Variants in TUT4 observed in about 807,000 individuals in gnomAD.
TUT4 encodes terminal uridylyl transferase 4.
Under a neutral mutation model 192.2 loss-of-function variants are expected in TUT4, and 36 were observed. The observed-to-expected ratio is 0.19, with a 90% CI of 0.14 to 0.25. The LOEUF (loss-of-function observed/expected upper bound fraction) is 0.25. Among genes scored for constraint, TUT4 ranks in the 10% least tolerant of loss-of-function variants. The pLI, the probability that TUT4 is intolerant of heterozygous loss-of-function variation, is 1.00. For missense variants in TUT4, 1,493 were observed against 1,957.2 expected (o/e 0.76, Z 4.47); for synonymous variants, 618 against 666.0 (o/e 0.93, Z 1.11).
chr1:52,514,356 G>C (rs1279154068), intron 3 of TUT4, among the ~76,000 whole-genome samples: 1 of 152,156 alleles, frequency 6.6e-6, no homozygotes, highest in Admixed American at 6.5e-5. Context: ...CAGGAGAATT[G>C]CTTGAACCCA....
In TUT4 at chr1:52,444,681, C is replaced by G. The variant is rs147926080; in HGVS notation, c.3822+1106G>C. Among the ~76,000 whole-genome samples, 488 of 149,618 alleles carry G rather than the reference C, an allele frequency of 3.3e-3. 2 individuals are homozygous for G. Among genetic ancestry groups the G allele is most frequent in the Admixed American group, 3.2e-3 (46 of 14,578 alleles). Reference sequence around the variant, plus strand: ...CATAATTTAATCATCTTCCAGTGAACATAAGGCAAGCAGAAAAATGTGAAA... The same window carrying G: ...CATAATTTAATCATCTTCCAGTGAAGATAAGGCAAGCAGAAAAATGTGAAA... On this transcript the variant is annotated intron_variant, in intron 24 of 29. Coordinates refer to ENST00000257177, the MANE Select transcript of TUT4 (RefSeq NM_001009881.3).
chr1:52,504,982 A>G (rs1675141905), intron 4 of TUT4, among the ~76,000 whole-genome samples: 1 of 152,180 alleles, frequency 6.6e-6, no homozygotes, highest in South Asian at 2.1e-4. Context: ...TCATCCATCA[A>G]TGGATATCTG....
rs529346307 is a variant in TUT4 at position 52,476,893 on chromosome 1, C to T, written c.2023+815G>A. Among the ~76,000 whole-genome samples the T allele has an allele frequency of 2.3e-3, 355 of 152,286 alleles. 3 individuals are homozygous for T. The highest frequency in any genetic ancestry group is 3.1e-3 in the South Asian group (15 of 4,828). On this transcript the variant is annotated intron_variant, in intron 12 of 29. Transcript: ENST00000257177. ...TTATCTACAAAAGGTAAGTGACATGCTGTGAAATTTAAATTTTTGATTAAG... is the reference window on the plus strand; with the variant it reads ...TTATCTACAAAAGGTAAGTGACATGTTGTGAAATTTAAATTTTTGATTAAG...
intron 27 of TUT4, chr1:52,434,332 C>G (rs778091752): frequency 2.0e-5 from 3 of 152,118 alleles, no homozygotes; most frequent in Admixed American, 6.5e-5. Context: ...GATTTTTATA[C>G]TCTCTTATTC....
chr1:52,489,228 C>T (rs751107925), intron 8 of TUT4, among the ~76,000 whole-genome samples, 193 bp from the exon 9 acceptor site: 1 of 152,076 alleles, frequency 6.6e-6, no homozygotes, highest in Admixed American at 6.6e-5. Flanking sequence ...GAGTTCCATA[C>T]GAATTAAAGA....
chr1:52,431,538 T>G (rs1429530214), intron 27 of TUT4, 78 bp from the exon 28 acceptor site: 2 of 1,160,576 alleles, frequency 1.7e-6, no homozygotes, highest in Non-Finnish European at 2.3e-6. Context: ...AAATACAAAA[T>G]TAAAAACTTT....
intron 12 of TUT4, among the ~76,000 whole-genome samples, chr1:52,477,480 T>A (rs1265815444): frequency 6.6e-6 from 1 of 152,118 alleles, no homozygotes; most frequent in Non-Finnish European, 1.5e-5. Flanking sequence ...AAGCTGAGGA[T>A]CCCTTGAACC....
intron 24 of TUT4, among the ~76,000 whole-genome samples, chr1:52,444,899 A>C (rs774203590): frequency 7.5e-6 from 1 of 134,178 alleles, no homozygotes; most frequent in Non-Finnish European, 1.5e-5. Flanking sequence ...ATATGTGTGT[A>C]TATATATATG....
chr1:52,538,188 A>C (rs1468528046), intron 1 of TUT4, among the ~76,000 whole-genome samples: 1 of 152,176 alleles, frequency 6.6e-6, no homozygotes, highest in Non-Finnish European at 1.5e-5. Context: ...GTGAGCCAAG[A>C]CTGCATCGCT....
chr1:52,535,511 G>C (rs1045356528), intron 1 of TUT4, among the ~76,000 whole-genome samples: 4 of 151,768 alleles, frequency 2.6e-5, no homozygotes, highest in African/African-American at 9.7e-5. Context: ...TTGTTCTCTG[G>C]CATTTTGTTC....
At chr1:52,462,053 A>G (rs576010304) in intron 16 of TUT4, 65 of 264,646 alleles carry the variant, frequency 2.5e-4, no homozygotes, top group Non-Finnish European at 4.3e-4. Context: ...AGAAGCACAA[A>G]GACAGGAGAA....
intron 15 of TUT4, among the ~76,000 whole-genome samples, chr1:52,465,821 C>A (rs1165007863): frequency 6.6e-6 from 1 of 152,100 alleles, no homozygotes; most frequent in Non-Finnish European, 1.5e-5. Context: ...CCAATAACAG[C>A]TACCATTTCA....
chr1:52,507,534 T>A (rs1675937531), intron 4 of TUT4, among the ~76,000 whole-genome samples: 1 of 152,180 alleles, frequency 6.6e-6, no homozygotes, highest in Non-Finnish European at 1.5e-5. Flanking sequence ...TCACCAAAAG[T>A]ATACGTCCTA....
At chr1:52,476,906 AT>A (rs956270415) in intron 12 of TUT4, among the ~76,000 whole-genome samples, 1 of 152,192 alleles carries the variant, frequency 6.6e-6, no homozygotes, top group Non-Finnish European at 1.5e-5. Context: ...TGAAATTTAA[AT>A]TTTTGATTAA....
intron 9 of TUT4, among the ~76,000 whole-genome samples, chr1:52,485,186 CTT>C (rs1669480231): frequency 6.6e-6 from 1 of 152,060 alleles, no homozygotes; most frequent in Non-Finnish European, 1.5e-5. Flanking sequence ...CTTCTTATAT[CTT>C]TGTTATTAAA....
chr1:52,453,916 C>T lies in TUT4; in HGVS notation c.3435+4420G>A, dbSNP rs546277461. Among the ~76,000 whole-genome samples, 9 of 152,280 alleles carry T rather than the reference C, an allele frequency of 5.9e-5. No individual in the cohort carries two copies. In the South Asian group the frequency reaches 1.7e-3, roughly 28 times the overall value. Reference sequence around the variant, plus strand: ...ACAAGATTAATATAAAAAATTCAAACACTTTCCCAGATACATGCAATGAAC... The same window carrying T: ...ACAAGATTAATATAAAAAATTCAAATACTTTCCCAGATACATGCAATGAAC... On this transcript the variant is annotated intron_variant, in intron 20 of 29. Coordinates refer to ENST00000257177, the MANE Select transcript of TUT4 (RefSeq NM_001009881.3).
chr1:52,489,221 T>G (rs929968606), intron 8 of TUT4, among the ~76,000 whole-genome samples, 186 bp from the exon 9 acceptor site: 1 of 152,156 alleles, frequency 6.6e-6, no homozygotes, highest in East Asian at 1.9e-4. Context: ...ATAACTAGAG[T>G]TCCATACGAA....
At chr1:52,520,212 G>T (rs1271738125) in intron 2 of TUT4, among the ~76,000 whole-genome samples, 2 of 152,198 alleles carry the variant, frequency 1.3e-5, no homozygotes, top group Non-Finnish European at 2.9e-5. Context: ...GGGCAAGGCA[G>T]AGAAATAGGG....
At chr1:52,456,358 G>A (rs1178250597) in intron 20 of TUT4, among the ~76,000 whole-genome samples, 1 of 137,538 alleles carries the variant, frequency 7.3e-6, no homozygotes, top group Non-Finnish European at 1.5e-5. Flanking sequence ...GTTGCAGTGA[G>A]CTGAGATCAT....
Sources: gnomAD v4.1 joint callset for allele counts (sites outside exome capture counted in the v4.1 genomes callset) on GRCh38, gnomAD v4.1.1 for gene constraint, MANE v1.5 for transcripts, NCBI Gene and HGNC (gene_info 2026-07-23, HGNC 2026-07-21) for gene names.